The following MRPS28 variants were observed in gnomAD, a reference collection of about 807,000 sequenced individuals.
MRPS28 encodes mitochondrial ribosomal protein S28.
In MRPS28, 7 loss-of-function variants were observed where a neutral mutation model predicts 10.8. That is an observed-to-expected ratio of 0.65 (90% CI 0.37 to 1.22). The LOEUF is 1.22. Ranked by LOEUF, MRPS28 falls within the 50% of genes most tolerant of loss-of-function variation. The pLI is 0.02. For synonymous variants in MRPS28, 121 were observed against 93.3 expected (o/e 1.30, Z -1.71); for missense variants, 265 against 232.9 (o/e 1.14, Z -0.90).
intron 2 of MRPS28, among the ~76,000 whole-genome samples, chr8:79,976,795 A>C (rs149321018): frequency 5.0e-4 from 76 of 152,366 alleles, no homozygotes; most frequent in African/African-American, 1.8e-3. Flanking sequence ...TGTATTTTGC[A>C]ATCAGCTTAA....
At chr8:79,986,345 T>G (rs1808171646) in intron 2 of MRPS28, among the ~76,000 whole-genome samples, 1 of 152,188 alleles carries the variant, frequency 6.6e-6, no homozygotes, top group African/African-American at 2.4e-5. Flanking sequence ...ACTGGAAGCA[T>G]TCCCTTTGAA....
intron 1 of MRPS28, among the ~76,000 whole-genome samples, chr8:80,011,384 T>C (rs1191252224): frequency 7.2e-6 from 1 of 139,454 alleles, no homozygotes; most frequent in Non-Finnish European, 1.5e-5. Context: ...CTCTGTTCTT[T>C]TTCTTCTTTT....
chr8:79,982,700 C>T (rs1025627118), intron 2 of MRPS28, among the ~76,000 whole-genome samples: 3 of 152,110 alleles, frequency 2.0e-5, no homozygotes, highest in South Asian at 2.1e-4. Flanking sequence ...AAGGCGGCAG[C>T]GAGGCTGAGG....
At chr8:79,965,561 G>C (rs1295217528) in intron 2 of MRPS28, among the ~76,000 whole-genome samples, 2 of 151,870 alleles carry the variant, frequency 1.3e-5, no homozygotes, top group African/African-American at 4.8e-5. Flanking sequence ...GAATAGGCTG[G>C]GGCTGACTAT....
At chr8:79,944,297 A>G (rs971698380) in intron 2 of MRPS28, among the ~76,000 whole-genome samples, 1 of 152,160 alleles carries the variant, frequency 6.6e-6, no homozygotes, top group Non-Finnish European at 1.5e-5. Context: ...CTGTTTGCCT[A>G]TTGCAGGCTA....
At chr8:79,922,585 T>C (rs1285543982) in intron 2 of MRPS28, among the ~76,000 whole-genome samples, 2 of 152,008 alleles carry the variant, frequency 1.3e-5, no homozygotes, top group East Asian at 3.8e-4. Flanking sequence ...CCAATAAATA[T>C]GTACAATTTT....
intron 2 of MRPS28, among the ~76,000 whole-genome samples, chr8:79,984,223 C>T (rs1194916178): frequency 6.6e-6 from 1 of 152,180 alleles, no homozygotes; most frequent in East Asian, 1.9e-4. Context: ...CTAGCAAATG[C>T]TGAGAGATTT....
intron 1 of MRPS28, among the ~76,000 whole-genome samples, chr8:80,008,973 C>A (rs1808948968): frequency 6.6e-6 from 1 of 152,190 alleles, no homozygotes; most frequent in Non-Finnish European, 1.5e-5. Context: ...CACACATGCA[C>A]ACATATGTTT....
intron 2 of MRPS28, chr8:79,958,114 C>A: frequency 3.0e-6 from 1 of 332,684 alleles, no homozygotes; most frequent in East Asian, 4.9e-5. Context: ...AATTTTAGAA[C>A]ATTTTCATCA....
chr8:79,985,653 C>G (rs975397533), intron 2 of MRPS28, among the ~76,000 whole-genome samples: 1 of 152,106 alleles, frequency 6.6e-6, no homozygotes, highest in Non-Finnish European at 1.5e-5. Flanking sequence ...AACACCTCTA[C>G]GCAAATAAAC....
intron 2 of MRPS28, among the ~76,000 whole-genome samples, chr8:79,920,865 T>G (rs182749570): frequency 6.6e-6 from 1 of 152,234 alleles, no homozygotes; most frequent in Non-Finnish European, 1.5e-5. Context: ...TCCTTGCGCA[T>G]GCCTATGTCC....
intron 2 of MRPS28, among the ~76,000 whole-genome samples, chr8:80,002,513 A>T (rs1388426324): frequency 6.6e-6 from 1 of 152,158 alleles, no homozygotes. Context: ...CTCCCACCTT[A>T]GTGCTTTCTC....
chr8:80,028,649 C>CGGGGGGGGGGGGGGGGGGGGG (rs1391638801), intron 1 of MRPS28: 1 of 4,542 alleles, frequency 2.2e-4, no homozygotes. Flanking sequence ...AGAAGACGGG[C>CGGGGGGGGGGGGGGGGGGGGG]GGGGGGGGCG....
chr8:79,976,632 G>A (rs564921153), intron 2 of MRPS28, among the ~76,000 whole-genome samples: 4 of 152,216 alleles, frequency 2.6e-5, no homozygotes, highest in African/African-American at 9.6e-5. Flanking sequence ...CTTCAACCAG[G>A]GAGGTGATGG....
intron 2 of MRPS28, among the ~76,000 whole-genome samples, chr8:79,948,121 A>G (rs1259995928): frequency 6.6e-6 from 1 of 150,754 alleles, no homozygotes; most frequent in Non-Finnish European, 1.5e-5. Flanking sequence ...CTGAGCAGCT[A>G]GTGCTACAGA....
At chr8:79,946,585 A>T (rs1236754240) in intron 2 of MRPS28, among the ~76,000 whole-genome samples, 1 of 152,120 alleles carries the variant, frequency 6.6e-6, no homozygotes, top group African/African-American at 2.4e-5. Flanking sequence ...GGGGAAAAAA[A>T]ATCTCTAGAA....
intron 2 of MRPS28, among the ~76,000 whole-genome samples, chr8:79,974,495 T>C (rs1807735526): frequency 6.6e-6 from 1 of 151,870 alleles, no homozygotes; most frequent in African/African-American, 2.4e-5. Context: ...GAGCCGAGAT[T>C]TCGCCACTAT....
chr8:80,023,506 T>C (rs1046293316), intron 1 of MRPS28, among the ~76,000 whole-genome samples: 2 of 152,060 alleles, frequency 1.3e-5, no homozygotes, highest in Non-Finnish European at 2.9e-5. Flanking sequence ...TTCGAATATT[T>C]TGAAATAAAA....
chr8:80,023,440 T>C (rs1202115941), intron 1 of MRPS28, among the ~76,000 whole-genome samples: 1 of 152,146 alleles, frequency 6.6e-6, no homozygotes, highest in African/African-American at 2.4e-5. Context: ...TTTTTATTTT[T>C]CCAGTATTCT....
Sources: allele counts gnomAD v4.1 joint callset (sites outside exome capture counted in the v4.1 genomes callset), GRCh38; gene constraint gnomAD v4.1.1; transcripts MANE v1.5; gene names NCBI Gene and HGNC (gene_info 2026-07-23, HGNC 2026-07-21).